The following RPL7L1 variants were observed in gnomAD, a reference collection of about 807,000 sequenced individuals.
RPL7L1 encodes ribosomal protein uL30-like.
In RPL7L1, 20 loss-of-function variants were observed where a neutral mutation model predicts 30.3. That is an observed-to-expected ratio of 0.66 (90% CI 0.46 to 0.96). The LOEUF (loss-of-function observed/expected upper bound fraction) is 0.96. RPL7L1 is among the 40% of genes least tolerant of loss of function. The pLI is 0.00. For synonymous variants in RPL7L1, 107 were observed against 110.1 expected, an observed-to-expected ratio of 0.97 and a Z score of 0.18; for missense variants, 271 against 314.9, an observed-to-expected ratio of 0.86 and a Z score of 1.05.
Position 42,883,539 on chromosome 6 carries a change from G to A in RPL7L1, c.236G>A (p.Arg79Lys), listed in dbSNP as rs1460608925. 6.8e-6 allele frequency: 11 copies of A among 1,610,592 alleles called. No individual in the cohort carries two copies. Among genetic ancestry groups the A allele is most frequent in the Non-Finnish European group, 9.3e-6 (11 of 1,178,444 alleles). ...WRQKRDKVRL[R>K]RLEVKPHALE... ...CAGAAACGTGACAAGGTGCGTCTCA[G>A]ACGACTAGAAGTGAAACCTCATGCC... Residue 79 changes from arginine (R) to lysine (K), a missense_variant, in exon 3 of 6, where the codon AGA becomes AAA. Physicochemically the swap from Arg to Lys is conservative, Grantham distance 26 (BLOSUM62 2). Transcript: ENST00000493763.
rs147663102 is a variant in RPL7L1, at chr6:42,885,952, C to T, written c.450-22C>T. On this transcript the variant is annotated intron_variant, in intron 4 of 5. Transcript: ENST00000493763. Reference sequence around the variant, plus strand: ...TAGTGTGCCAGGTGCTGGTGAAAACCGTGCTTTATTTTCCTACATAGATTT... The same window carrying T: ...TAGTGTGCCAGGTGCTGGTGAAAACTGTGCTTTATTTTCCTACATAGATTT... 2,261 of 1,386,300 alleles carry T rather than the reference C, an allele frequency of 1.6e-3. 26 individuals carry two copies. The African/African-American group carries it at 0.027, about 17-fold the overall frequency. 85.9% of individuals were successfully genotyped at this position (1,386,300 alleles called of 1,614,324 possible).
chr6:42,880,645 T>C lies in RPL7L1; in HGVS notation c.42-216T>C, dbSNP rs564250257. 2.0e-5 allele frequency: 8 copies of C among 391,154 alleles called. No individual in the cohort carries two copies. The Admixed American group carries it at 2.7e-4, about 13-fold the overall frequency. 24.2% of individuals were successfully genotyped at this position (391,154 alleles called of 1,614,324 possible). On this transcript the variant is annotated intron_variant, in intron 1 of 5. Transcript: ENST00000493763. ...CTCCTGCCTCAGTCTCCCGAGTAGC[T>C]GGGATTACAGGCGTGCGCCACCACG...
chr6:42,879,978 G>A (rs766961661), intron 1 of RPL7L1, 27 bp downstream of exon 1: 3 of 1,612,102 alleles, frequency 1.9e-6, no homozygotes, highest in Admixed American at 1.7e-5. Flanking sequence ...TTGAATATCT[G>A]GAGTGGGGTC....
chr6:42,879,998 C>G (rs747032718), intron 1 of RPL7L1, 47 bp downstream of exon 1: 14 of 1,578,992 alleles, frequency 8.9e-6, no homozygotes, highest in African/African-American at 1.3e-5. Flanking sequence ...CTTGAGTATC[C>G]GGTGCCATCC....
Position 42,879,675 on chromosome 6 carries a change from G to T in RPL7L1, c.-236G>T. 1 of 479,918 alleles carries T rather than the reference G, an allele frequency of 2.1e-6. No homozygotes were observed. Among genetic ancestry groups the T allele is most frequent in the Non-Finnish European group, 3.8e-6 (1 of 260,802 alleles). The allele number at this position is 479,918 out of a possible 1,614,324, so 29.7% of individuals were successfully genotyped here. On this transcript the variant is annotated 5_prime_UTR_variant, in exon 1 of 6. Transcript: ENST00000493763. ...GAAGCACTTTGCTGTCCACAGCCAG[G>T]CCGCTTGTGATGAAACTGTAACTTA...
rs1237009400 is a variant in RPL7L1, at chr6:42,889,065, A to C, written c.*2601A>C. On this transcript the variant is annotated 3_prime_UTR_variant, in exon 6 of 6. Coordinates refer to ENST00000493763, the MANE Select transcript of RPL7L1 (RefSeq NM_001366481.3). ...GACCATTCTATTCCCTGGTCCTTTA[A>C]GATCAGTTTGGCTGCAATTTTGGCT... is the stretch of plus-strand genomic sequence containing the variant. 1 of 152,176 alleles carries C rather than the reference A, an allele frequency of 6.6e-6. No homozygotes were observed. The highest frequency in any genetic ancestry group is 1.5e-5 in the Non-Finnish European group (1 of 68,036). 9.4% of individuals were successfully genotyped at this position (152,176 alleles called of 1,614,324 possible).
intron 2 of RPL7L1, chr6:42,882,645 T>C (rs923290230): frequency 2.0e-5 from 3 of 147,708 alleles, no homozygotes; most frequent in Non-Finnish European, 4.4e-5. Context: ...TGGTAGCTCA[T>C]GCCTGTTATC....
Position 42,886,715 on chromosome 6 carries a change from G to T in RPL7L1, c.*251G>T. 7.6e-6 allele frequency: 3 copies of T among 392,946 alleles called. No homozygotes were observed. In the South Asian group the frequency reaches 7.7e-5, roughly 10 times the overall value. The allele number at this position is 392,946 out of a possible 1,614,324, so 24.3% of individuals were successfully genotyped here. On this transcript the variant is annotated 3_prime_UTR_variant, in exon 6 of 6. Transcript: ENST00000493763. Reference sequence around the variant, plus strand: ...CGAGTAACTAAAAACTGTATTGCTGGCCGGGCGCGGTGGCTCACGCCTGTA... The same window carrying T: ...CGAGTAACTAAAAACTGTATTGCTGTCCGGGCGCGGTGGCTCACGCCTGTA...
intron 2 of RPL7L1, chr6:42,883,248 C>G: frequency 2.4e-6 from 1 of 421,022 alleles, no homozygotes. Context: ...CGTTATTTTT[C>G]CCAATAATTC....
rs1766200203 is a variant in RPL7L1 at position 42,884,702 on chromosome 6, C to G, written c.401C>G (p.Pro134Arg). 1 of 1,614,050 alleles carries G rather than the reference C, an allele frequency of 6.2e-7. No homozygotes were observed. Among genetic ancestry groups the G allele is most frequent in the Admixed American group, 1.7e-5 (1 of 60,004 alleles). Residue 134 changes from proline (P) to arginine (R), a missense_variant, in exon 4 of 6, where the codon CCC becomes CGC. Transcript: ENST00000493763. ...AGTGGTGTCTTTGTAAAAGTCACCC[C>G]CCAGAATCTAAAAATGCTGCGTATA... ...IFSGVFVKVTPQNLKMLRIVE... is the reference protein window; with the variant it reads ...IFSGVFVKVTRQNLKMLRIVE...
intron 5 of RPL7L1, 41 bp downstream of exon 5, chr6:42,886,124 A>G (rs199940031): frequency 5.0e-6 from 7 of 1,413,690 alleles, no homozygotes; most frequent in South Asian, 1.1e-5. Flanking sequence ...GCAGAAAGCC[A>G]GGGTCTTTGA....
intron 2 of RPL7L1, 157 bp downstream of exon 2, chr6:42,881,123 G>A: frequency 1.8e-6 from 1 of 567,710 alleles, no homozygotes; most frequent in South Asian, 1.9e-5. Flanking sequence ...TTGGTTCCAG[G>A]ACTCCCACAG....
At chr6:42,880,203 G>T (rs138935479) in intron 1 of RPL7L1, among the ~76,000 whole-genome samples, 1 of 152,156 alleles carries the variant, frequency 6.6e-6, no homozygotes, top group African/African-American at 2.4e-5. Context: ...AATTCACCCA[G>T]CCCGACAAGT....
chr6:42,880,432 G>A (rs1766029500), intron 1 of RPL7L1: 1 of 218,568 alleles, frequency 4.6e-6, no homozygotes, highest in Admixed American at 5.2e-5. Context: ...TCTTTCTTCA[G>A]ATACTTGAAA....
intron 2 of RPL7L1, 109 bp downstream of exon 2, chr6:42,881,075 C>T (rs1766059175): frequency 1.5e-6 from 1 of 679,564 alleles, no homozygotes; most frequent in East Asian, 2.8e-5. Flanking sequence ...AACGGTTTGA[C>T]AGACCAGGTA....
Position 42,879,820 on chromosome 6 carries a change from C to CT in RPL7L1, c.-90dup. ...AGGGCTCACTGCGGCTAAGTGAACG[C>CT]TGACTGGTCCTCCAGCGTGAGCTAG... On this transcript the variant is annotated 5_prime_UTR_variant, in exon 1 of 6. Transcript: ENST00000493763. The CT allele has an allele frequency of 6.4e-6, 9 of 1,400,248 alleles. No individual in the cohort carries two copies. The South Asian group carries it at 1.0e-4, about 16-fold the overall frequency. 86.7% of individuals were successfully genotyped at this position (1,400,248 alleles called of 1,614,324 possible). A position where few individuals can be genotyped will look rare whatever the true frequency, so the allele number is the denominator to read the frequency against.
rs1304984453 is a variant in RPL7L1 at position 42,888,367 on chromosome 6, A to G, written c.*1903A>G. The G allele has an allele frequency of 1.3e-5, 2 of 152,248 alleles. No individual in the cohort carries two copies. The highest frequency in any genetic ancestry group is 2.9e-5 in the Non-Finnish European group (2 of 68,086). 9.4% of individuals were successfully genotyped at this position (152,248 alleles called of 1,614,324 possible). A position where few individuals can be genotyped will look rare whatever the true frequency, so the allele number is the denominator to read the frequency against. On this transcript the variant is annotated 3_prime_UTR_variant, in exon 6 of 6. Coordinates refer to ENST00000493763, the MANE Select transcript of RPL7L1 (RefSeq NM_001366481.3). ...GAGACAGAGTTTCACCATGTAGGCC[A>G]GGCTAGTCTCAAACTCCTGACCTCA...
intron 5 of RPL7L1, 62 bp downstream of exon 5, chr6:42,886,145 T>C (rs1766257065): frequency 6.5e-6 from 9 of 1,378,798 alleles, no homozygotes; most frequent in Non-Finnish European, 9.3e-6. Flanking sequence ...AGCTTTGATG[T>C]GAGATTCAGG....
chr6:42,885,682 G>A (rs936860758), intron 4 of RPL7L1: 6 of 309,180 alleles, frequency 1.9e-5, no homozygotes, highest in East Asian at 6.3e-5. Flanking sequence ...GGCCAGAGTC[G>A]TAGCCCCTAA....
Sources: allele counts gnomAD v4.1 joint callset (sites outside exome capture counted in the v4.1 genomes callset), GRCh38; gene constraint gnomAD v4.1.1; transcripts MANE v1.5; gene names NCBI Gene and HGNC (gene_info 2026-07-23, HGNC 2026-07-21).